The following RAPGEF5 variants were observed in gnomAD, a reference collection of about 807,000 sequenced individuals.
RAPGEF5 encodes M-Ras-regulated GEF.
A neutral mutation model predicts 125.2 loss-of-function variants in RAPGEF5; 65 were observed. The ratio of observed to expected loss-of-function variants is 0.52; its 90% CI spans 0.43 to 0.64. The LOEUF (loss-of-function observed/expected upper bound fraction) is 0.64. Ranked by LOEUF, RAPGEF5 falls within the 30% of genes least tolerant of loss-of-function variation. RAPGEF5 has a pLI of 0.00. For missense variants in RAPGEF5, 958 were observed against 1,048.1 expected (o/e 0.91, Z 1.19); for synonymous variants, 391 against 385.9 (o/e 1.01, Z -0.16).
At chr7:22,155,694 G>GT (rs1326590929) in intron 16 of RAPGEF5, among the ~76,000 whole-genome samples, 3 of 152,240 alleles carry the variant, frequency 2.0e-5, no homozygotes, top group African/African-American at 7.2e-5. Context: ...ACAACAGCAT[G>GT]TAACAAATAG....
rs74453432 is a variant in RAPGEF5 at position 22,277,516 on chromosome 7, C to T, written c.748-10504G>A. On this transcript the variant is annotated intron_variant, in intron 6 of 25. Coordinates refer to ENST00000665637, the MANE Select transcript of RAPGEF5 (RefSeq NM_012294.5). ...ACTGGGTTCTCTGCTTCTCACAAGG[C>T]CTCGTGTAAGGCCCAAAGCAAAGTA... Among the ~76,000 whole-genome samples, 48 of 152,294 alleles carry T rather than the reference C, an allele frequency of 3.2e-4. 2 individuals are homozygous for T. In the East Asian group the frequency reaches 8.7e-3, roughly 28 times the overall value.
At position 22,257,170 on chromosome 7, in the gene RAPGEF5, T is replaced by C. The variant is rs144925882; in HGVS notation, c.796+9794A>G. ...AGTTTTACTACAAGACATAAGATAG[T>C]AGGGTAATCAATTCCTTCTGTCAAG... On this transcript the variant is annotated intron_variant, in intron 7 of 25. Coordinates refer to ENST00000665637, the MANE Select transcript of RAPGEF5 (RefSeq NM_012294.5). Among the ~76,000 whole-genome samples, 12 of 152,322 alleles carry C rather than the reference T, an allele frequency of 7.9e-5. No homozygotes were observed. In the East Asian group the frequency reaches 2.3e-3, roughly 29 times the overall value.
At chr7:22,286,233 T>C (rs1782793734) in intron 6 of RAPGEF5, among the ~76,000 whole-genome samples, 1 of 152,214 alleles carries the variant, frequency 6.6e-6, no homozygotes, top group Non-Finnish European at 1.5e-5. Context: ...TCACCACCCA[T>C]GTGATGGCTG....
chr7:22,186,918 A>G (rs551419908), intron 11 of RAPGEF5, among the ~76,000 whole-genome samples: 1 of 152,354 alleles, frequency 6.6e-6, no homozygotes, highest in South Asian at 2.1e-4. Context: ...TAGAGTGATA[A>G]ATCAAAGCTA....
chr7:22,248,899 C>G (rs1181253297), intron 7 of RAPGEF5, among the ~76,000 whole-genome samples: 2 of 152,132 alleles, frequency 1.3e-5, no homozygotes, highest in Non-Finnish European at 2.9e-5. Context: ...GGAAGAAAAT[C>G]GGCAACATTT....
intron 7 of RAPGEF5, among the ~76,000 whole-genome samples, chr7:22,244,352 T>G (rs1466846454): frequency 6.6e-6 from 1 of 152,206 alleles, no homozygotes; most frequent in African/African-American, 2.4e-5. Flanking sequence ...CATGGCCTGT[T>G]AGGAACCAGG....
chr7:22,326,272 G>A (rs1289297686), intron 1 of RAPGEF5, among the ~76,000 whole-genome samples: 3 of 152,176 alleles, frequency 2.0e-5, no homozygotes, highest in Non-Finnish European at 2.9e-5. Context: ...ATGGACCTCC[G>A]GGGGTCACCA....
intron 1 of RAPGEF5, among the ~76,000 whole-genome samples, chr7:22,343,005 T>C (rs1476852473): frequency 6.6e-6 from 1 of 152,178 alleles, no homozygotes; most frequent in African/African-American, 2.4e-5. Context: ...CTGGTATCAA[T>C]TTACTGTATT....
chr7:22,260,089 CAA>C (rs61052242), intron 7 of RAPGEF5, among the ~76,000 whole-genome samples: 3 of 121,360 alleles, frequency 2.5e-5, no homozygotes, highest in Admixed American at 8.3e-5. Flanking sequence ...AACTCCGTCT[CAA>C]AAAAAAAAAA....
At chr7:22,261,071 A>T (rs1396346665) in intron 7 of RAPGEF5, among the ~76,000 whole-genome samples, 1 of 152,238 alleles carries the variant, frequency 6.6e-6, no homozygotes, top group Non-Finnish European at 1.5e-5. Context: ...TATACATAAA[A>T]TTAATTCCAG....
At chr7:22,143,589 G>A (rs1783333666) in intron 20 of RAPGEF5, among the ~76,000 whole-genome samples, 1 of 152,128 alleles carries the variant, frequency 6.6e-6, no homozygotes, top group Admixed American at 6.5e-5. Flanking sequence ...TCTAACCACA[G>A]GCTCTGCTTC....
At chr7:22,178,853 C>G (rs1260907965) in intron 11 of RAPGEF5, among the ~76,000 whole-genome samples, 9 of 152,096 alleles carry the variant, frequency 5.9e-5, no homozygotes, top group Admixed American at 5.9e-4. Flanking sequence ...GGGCTGGGAC[C>G]AAAAGCTCTA....
At chr7:22,277,447 T>C (rs1782582398) in intron 6 of RAPGEF5, among the ~76,000 whole-genome samples, 1 of 152,194 alleles carries the variant, frequency 6.6e-6, no homozygotes, top group Non-Finnish European at 1.5e-5. Context: ...CCGCTTATTA[T>C]TTCATATTTG....
intron 24 of RAPGEF5, among the ~76,000 whole-genome samples, chr7:22,126,864 C>A (rs963355337): frequency 6.6e-6 from 1 of 152,036 alleles, no homozygotes; most frequent in Admixed American, 6.6e-5. Context: ...CTCAGATAAT[C>A]CAACCAAATT....
At chr7:22,132,150 T>C (rs1782932335) in intron 23 of RAPGEF5, among the ~76,000 whole-genome samples, 1 of 152,230 alleles carries the variant, frequency 6.6e-6, no homozygotes, top group Admixed American at 6.5e-5. Context: ...AGAATGTATT[T>C]GCTTTTAATC....
At chr7:22,161,105 A>G (rs1783978023) in intron 13 of RAPGEF5, among the ~76,000 whole-genome samples, 3 of 151,900 alleles carry the variant, frequency 2.0e-5, no homozygotes, top group Admixed American at 2.0e-4. Flanking sequence ...GCTACTCGGG[A>G]GGCTGAGGCA....
At chr7:22,214,902 C>T (rs1197294755) in intron 9 of RAPGEF5, among the ~76,000 whole-genome samples, 2 of 152,210 alleles carry the variant, frequency 1.3e-5, no homozygotes, top group Non-Finnish European at 2.9e-5. Context: ...TGCTTAATCA[C>T]TCTTCAGCTC....
intron 1 of RAPGEF5, among the ~76,000 whole-genome samples, chr7:22,331,613 T>C (rs1305746677): frequency 6.6e-6 from 1 of 151,594 alleles, no homozygotes; most frequent in Admixed American, 6.6e-5. Context: ...GGCGTGGTGG[T>C]GGGCGCCCGT....
At chr7:22,217,838 T>G (rs1785678550) in intron 9 of RAPGEF5, among the ~76,000 whole-genome samples, 1 of 152,226 alleles carries the variant, frequency 6.6e-6, no homozygotes, top group African/African-American at 2.4e-5. Flanking sequence ...GTTAGTGTTC[T>G]GTTTTACAAG....
Sources: gnomAD v4.1 joint callset for allele counts (sites outside exome capture counted in the v4.1 genomes callset) on GRCh38, gnomAD v4.1.1 for gene constraint, MANE v1.5 for transcripts, NCBI Gene and HGNC (gene_info 2026-07-23, HGNC 2026-07-21) for gene names.